TFDP1: variants seen among roughly 807,000 people sequenced by gnomAD.
TFDP1 encodes the protein transcription factor Dp-1.
Under a neutral mutation model 48.0 loss-of-function variants are expected in TFDP1, and 6 were observed. The observed-to-expected ratio is 0.13, with a 90% CI of 0.07 to 0.25. TFDP1 has a LOEUF of 0.25. Among genes scored for constraint, TFDP1 ranks in the 10% least tolerant of loss-of-function variants. TFDP1 has a pLI of 1.00. For synonymous variants in TFDP1, 201 were observed against 211.6 expected, an observed-to-expected ratio of 0.95 and a Z score of 0.44; for missense variants, 335 against 543.0, an observed-to-expected ratio of 0.62 and a Z score of 3.81.
intron 2 of TFDP1, among the ~76,000 whole-genome samples, chr13:113,600,687 G>C (rs1415567510): frequency 1.5e-5 from 2 of 137,122 alleles, no homozygotes; most frequent in Non-Finnish European, 3.1e-5. Flanking sequence ...GAGAACTCAG[G>C]ATGGTGAGAG....
chr13:113,626,017 G>A (rs950313232), intron 4 of TFDP1, among the ~76,000 whole-genome samples: 5 of 145,082 alleles, frequency 3.4e-5, no homozygotes, highest in African/African-American at 5.3e-5. Context: ...TGTCTCTCAC[G>A]TGTCCTCAGG....
chr13:113,599,755 AC>A (rs2048365022), intron 2 of TFDP1, among the ~76,000 whole-genome samples: 1 of 152,208 alleles, frequency 6.6e-6, no homozygotes, highest in African/African-American at 2.4e-5. Context: ...CACATCCAGG[AC>A]CGTGAGAGAG....
chr13:113,625,472 GTGTTT>G, intron 4 of TFDP1, among the ~76,000 whole-genome samples: 2 of 84,194 alleles, frequency 2.4e-5, no homozygotes, highest in Non-Finnish European at 2.1e-5. Flanking sequence ...GTGTCCTCAG[GTGTTT>G]CTCAGGTGTC....
intron 2 of TFDP1, among the ~76,000 whole-genome samples, chr13:113,594,504 C>T (rs932267722): frequency 1.2e-4 from 17 of 145,446 alleles, no homozygotes; most frequent in Admixed American, 4.8e-4. Context: ...ATGGTGTGCG[C>T]GGGTCCTCAG....
At chr13:113,620,592 A>G (rs771115250) in intron 3 of TFDP1, among the ~76,000 whole-genome samples, 7 of 152,246 alleles carry the variant, frequency 4.6e-5, no homozygotes, top group Non-Finnish European at 8.8e-5. Context: ...TTCCCTGCAT[A>G]GTAGAATATT....
chr13:113,629,672 G>A (rs1025499369), intron 4 of TFDP1, among the ~76,000 whole-genome samples: 2 of 152,202 alleles, frequency 1.3e-5, no homozygotes, highest in Admixed American at 6.5e-5. Flanking sequence ...GTGATGTGTG[G>A]TAGGAGAGGT....
At chr13:113,613,270 T>A (rs2048753156) in intron 3 of TFDP1, among the ~76,000 whole-genome samples, 1 of 152,220 alleles carries the variant, frequency 6.6e-6, no homozygotes, top group Admixed American at 6.5e-5. Context: ...CACCTTGGCC[T>A]CCCAAAGTGC....
chr13:113,614,760 C>T (rs1042822875), intron 3 of TFDP1, among the ~76,000 whole-genome samples: 1 of 152,186 alleles, frequency 6.6e-6, no homozygotes, highest in East Asian at 1.9e-4. Context: ...CAGTGAGCGA[C>T]GGGAACCTGG....
chr13:113,630,157 A>G (rs949780088), intron 4 of TFDP1, among the ~76,000 whole-genome samples: 3 of 131,438 alleles, frequency 2.3e-5, no homozygotes, highest in Admixed American at 7.0e-5. Context: ...CCCCAGCAGC[A>G]CACACACACA....
At chr13:113,612,213 A>G (rs1286566354) in intron 3 of TFDP1, among the ~76,000 whole-genome samples, 1 of 151,960 alleles carries the variant, frequency 6.6e-6, no homozygotes, top group Admixed American at 6.5e-5. Context: ...CAACCCCTAC[A>G]TGCTGTGGAT....
intron 10 of TFDP1, chr13:113,637,339 C>A: frequency 3.2e-6 from 1 of 316,428 alleles, no homozygotes; most frequent in South Asian, 2.7e-5. Flanking sequence ...GAGATTCCTC[C>A]CTGAGCTCTT....
In TFDP1 at chr13:113,599,658, G is replaced by A. The variant is rs4150709; in HGVS notation, c.13-11338G>A. ...TGTCCTGATAGCCAGTCCCCACGGC[G>A]AGCCTGCCCTTTTCCCACCTTGCGA... On this transcript the variant is annotated intron_variant, in intron 2 of 11. Transcript: ENST00000375370. Among the ~76,000 whole-genome samples the A allele has an allele frequency of 6.2e-3, 950 of 152,314 alleles. 33 individuals carry two copies. In the East Asian group the frequency reaches 0.11, roughly 17 times the overall value.
At chr13:113,586,971 C>T (rs1005737731) in intron 2 of TFDP1, among the ~76,000 whole-genome samples, 1 of 152,224 alleles carries the variant, frequency 6.6e-6, no homozygotes, top group African/African-American at 2.4e-5. Context: ...GGCATGTGCT[C>T]AGCGCGCAAG....
intron 3 of TFDP1, 62 bp downstream of exon 3, chr13:113,611,124 A>T (rs2048698873): frequency 6.9e-7 from 1 of 1,449,366 alleles, no homozygotes; most frequent in Admixed American, 1.7e-5. Flanking sequence ...TCACATGTTT[A>T]TGAAGCTGTT....
intron 8 of TFDP1, among the ~76,000 whole-genome samples, chr13:113,635,409 G>T (rs1174221374): frequency 6.6e-6 from 1 of 152,202 alleles, no homozygotes; most frequent in Non-Finnish European, 1.5e-5. Context: ...ACCCAGGGTG[G>T]CCGGGAGAGG....
At chr13:113,588,264 C>A (rs2048053356) in intron 2 of TFDP1, among the ~76,000 whole-genome samples, 1 of 152,242 alleles carries the variant, frequency 6.6e-6, no homozygotes, top group South Asian at 2.1e-4. Flanking sequence ...AGGCCTCCAG[C>A]TTCTAAGTGC....
chr13:113,607,040 C>CT lies in TFDP1; in HGVS notation c.13-3955dup, dbSNP rs1383660682. Among the ~76,000 whole-genome samples the CT allele has an allele frequency of 6.6e-6, 1 of 152,242 alleles. No individual in the cohort carries two copies. The highest frequency in any genetic ancestry group is 1.5e-5 in the Non-Finnish European group (1 of 68,042). On this transcript the variant is annotated intron_variant, in intron 2 of 11. Transcript: ENST00000375370. The surrounding 1 kb of genome is among the most constrained non-coding windows in gnomAD (Gnocchi z 5.2). ...CCCTGCGGCCCCAGAAGTCATGCCT[C>CT]TGAGTCCGTGGTTCTTAGCTGAGGG... is the stretch of plus-strand genomic sequence containing the variant.
chr13:113,612,234 C>T (rs2048726152), intron 3 of TFDP1, among the ~76,000 whole-genome samples: 1 of 152,148 alleles, frequency 6.6e-6, no homozygotes, highest in South Asian at 2.1e-4. Context: ...CCAGGTGTCT[C>T]CTTGGGGCCT....
chr13:113,591,751 A>G lies in TFDP1; in HGVS notation c.12+5902A>G, dbSNP rs138941788. On this transcript the variant is annotated intron_variant, in intron 2 of 11. Transcript: ENST00000375370. ...TGTCAAGTTTTGCTTAGAGAGGAGG[A>G]CTGGTAGCAGCAGGTGGCTTAGACT... Among the ~76,000 whole-genome samples, 16 of 152,328 alleles carry G rather than the reference A, an allele frequency of 1.1e-4. No individual in the cohort carries two copies. The East Asian group carries it at 2.5e-3, about 24-fold the overall frequency.
Sources: gnomAD v4.1 joint callset for allele counts (sites outside exome capture counted in the v4.1 genomes callset) on GRCh38, gnomAD v4.1.1 for gene constraint, Gnocchi (gnomAD v3.1) non-coding constraint, MANE v1.5 for transcripts, NCBI Gene and HGNC (gene_info 2026-07-23, HGNC 2026-07-21) for gene names.